The following COL21A1 variants were observed in gnomAD, a reference collection of about 807,000 sequenced individuals.
The protein encoded by COL21A1 is collagen type XXI alpha 1 chain.
COL21A1 carries 149 observed loss-of-function variants against 137.9 expected under a neutral mutation model. The ratio of observed to expected loss-of-function variants is 1.08; its 90% CI spans 0.95 to 1.24. COL21A1 has a LOEUF of 1.24. COL21A1 is among the 50% of genes most tolerant of loss of function. COL21A1 has a pLI of 0.00. For missense variants in COL21A1, 1,167 were observed against 1,158.4 expected (o/e 1.01, Z -0.11); for synonymous variants, 456 against 391.5 (o/e 1.16, Z -1.95).
chr6:56,224,055 G>T (rs1781036827), intron 1 of COL21A1, among the ~76,000 whole-genome samples: 2 of 152,018 alleles, frequency 1.3e-5, no homozygotes, highest in African/African-American at 4.8e-5. Flanking sequence ...ATAAACATTG[G>T]AGAGATTTAC....
In COL21A1 at chr6:56,108,961, T is replaced by C. The variant is rs1375084089; in HGVS notation, c.1759-7436A>G. Among the ~76,000 whole-genome samples, 2 of 151,862 alleles carry C rather than the reference T, an allele frequency of 1.3e-5. 1 individual carries two copies. The highest frequency in any genetic ancestry group is 4.1e-4 in the South Asian group (2 of 4,836). On this transcript the variant is annotated intron_variant, in intron 16 of 29. Coordinates refer to ENST00000244728, the MANE Select transcript of COL21A1 (RefSeq NM_030820.4). Reference sequence around the variant, plus strand: ...AGGATTTTCACCCTAAAAAGACTTTTAACTCTTTAAACAACTTTTAGGAAA... The same window carrying C: ...AGGATTTTCACCCTAAAAAGACTTTCAACTCTTTAAACAACTTTTAGGAAA...
chr6:56,353,359 G>A (rs9382623), intron 1 of COL21A1, among the ~76,000 whole-genome samples: 46,636 of 151,970 alleles, frequency 0.31, 8,028 homozygotes, highest in East Asian at 0.72. Flanking sequence ...AGACCACAGA[G>A]AGACAGAGAT....
intron 16 of COL21A1, among the ~76,000 whole-genome samples, chr6:56,122,704 C>A (rs2152209083): frequency 6.6e-6 from 1 of 152,136 alleles, no homozygotes; most frequent in East Asian, 1.9e-4. Context: ...CACATACTAC[C>A]CAGATTAAGA....
chr6:56,366,976 AC>A (rs1436893127), intron 1 of COL21A1, among the ~76,000 whole-genome samples: 1 of 152,228 alleles, frequency 6.6e-6, no homozygotes, highest in African/African-American at 2.4e-5. Flanking sequence ...AATTTACTTA[AC>A]AAAAAATATA....
chr6:56,280,542 C>G (rs920954565), intron 1 of COL21A1, among the ~76,000 whole-genome samples: 1 of 152,028 alleles, frequency 6.6e-6, no homozygotes, highest in Non-Finnish European at 1.5e-5. Flanking sequence ...GTGAGTAAAG[C>G]GCTACCAGAA....
intron 1 of COL21A1, among the ~76,000 whole-genome samples, chr6:56,307,850 C>T (rs970715239): frequency 5.3e-5 from 8 of 152,108 alleles, no homozygotes; most frequent in Admixed American, 1.3e-4. Context: ...TGTTCCTATT[C>T]GGCCATCTTG....
Position 56,074,242 on chromosome 6 carries a change from G to A in COL21A1, c.1955C>T (p.Pro652Leu), listed in dbSNP as rs368711091. Residue 652 changes from proline (P) to leucine (L), a missense_variant, in exon 20 of 30, where the codon CCG becomes CTG. By Grantham distance (98) the Pro-to-Leu change is moderately conservative. Transcript: ENST00000244728. Reference sequence around the variant, plus strand: ...TTTTATCATATTTACCTTAGATCCCGGTGTTCCAGGCTGGCCTGGTGAGCC... The same window carrying A: ...TTTTATCATATTTACCTTAGATCCCAGTGTTCCAGGCTGGCCTGGTGAGCC... ...SNGSPGQPGT[P>L]GSKGSKGEPG... is the part of the protein sequence containing the mutation. The A allele has an allele frequency of 7.0e-5, 110 of 1,581,134 alleles. No individual in the cohort carries two copies. Among genetic ancestry groups the A allele is most frequent in the Admixed American group, 2.0e-4 (11 of 55,604 alleles).
chr6:56,323,512 C>G lies in COL21A1; in HGVS notation c.-39+70459G>C, dbSNP rs147745634. On this transcript the variant is annotated intron_variant, in intron 1 of 28. Coordinates refer to the COL21A1 transcript ENST00000370819. ...TCAAGCCATTCTCCTGCCTCAGCCT[C>G]CCTAGTAGCTGGGATTACAGGTGCA... Among the ~76,000 whole-genome samples, 1,124 of 152,258 alleles carry G rather than the reference C, an allele frequency of 7.4e-3. 11 individuals carry two copies. Among genetic ancestry groups the G allele is most frequent in the African/African-American group, 0.025 (1,047 of 41,558 alleles).
At chr6:56,207,298 T>C (rs1192126489) in intron 1 of COL21A1, among the ~76,000 whole-genome samples, 1 of 151,856 alleles carries the variant, frequency 6.6e-6, no homozygotes, top group Admixed American at 6.6e-5. Flanking sequence ...ACCAGACTAA[T>C]AAAGAAGAAA....
intron 1 of COL21A1, among the ~76,000 whole-genome samples, chr6:56,207,018 T>A (rs1165176055): frequency 4.0e-5 from 6 of 151,810 alleles, no homozygotes; most frequent in Admixed American, 6.6e-5. Flanking sequence ...CATACCAAAA[T>A]CTCTGGGACA....
chr6:56,394,102 G>A (rs1041015748), upstream of COL21A1: 1 of 152,338 alleles, frequency 6.6e-6, no homozygotes, highest in Non-Finnish European at 1.5e-5. Context: ...CCAGGGGTGT[G>A]AGTGGGAAGT....
At chr6:56,132,944 C>T (rs933197674) in intron 12 of COL21A1, among the ~76,000 whole-genome samples, 5 of 152,204 alleles carry the variant, frequency 3.3e-5, no homozygotes, top group Admixed American at 1.3e-4. Context: ...CCACATGAAA[C>T]TGTCAGTCCA....
intron 9 of COL21A1, among the ~76,000 whole-genome samples, chr6:56,163,543 T>G (rs1229350977): frequency 3.3e-5 from 5 of 152,098 alleles, no homozygotes; most frequent in Non-Finnish European, 2.9e-5. Context: ...ACCCCGTCTC[T>G]ACTAAAATAC....
In COL21A1 at chr6:56,059,250, G is replaced by A. The variant is rs749013128; in HGVS notation, c.2609-8C>T. ...CATTTCTTCCTGGTAGGCCTGCAGGGTGTCAAACATCTGAGTAAGTTTACT... is the reference window on the plus strand; with the variant it reads ...CATTTCTTCCTGGTAGGCCTGCAGGATGTCAAACATCTGAGTAAGTTTACT... On this transcript the variant is annotated splice_polypyrimidine_tract_variant and splice_region_variant and intron_variant, in intron 28 of 29. Coordinates refer to ENST00000244728, the MANE Select transcript of COL21A1 (RefSeq NM_030820.4). 4 of 1,583,970 alleles carry A rather than the reference G, an allele frequency of 2.5e-6. No homozygotes were observed. The highest frequency in any genetic ancestry group is 3.4e-6 in the Non-Finnish European group (4 of 1,168,470).
chr6:56,081,700 G>C (rs1015535590), intron 17 of COL21A1, among the ~76,000 whole-genome samples: 1 of 151,682 alleles, frequency 6.6e-6, no homozygotes, highest in African/African-American at 2.4e-5. Flanking sequence ...CCCTTGATAA[G>C]GAAATGAACA....
At chr6:56,236,528 T>A (rs536385820) in intron 1 of COL21A1, among the ~76,000 whole-genome samples, 7 of 151,966 alleles carry the variant, frequency 4.6e-5, no homozygotes. Context: ...TTAACTAGAG[T>A]GTGTCTAAAC....
chr6:56,079,522 A>C (rs1195672285), intron 17 of COL21A1, among the ~76,000 whole-genome samples: 1 of 151,468 alleles, frequency 6.6e-6, no homozygotes, highest in Non-Finnish European at 1.5e-5. Context: ...CACGAACAGC[A>C]CCTTGGCTTC....
intron 9 of COL21A1, among the ~76,000 whole-genome samples, chr6:56,162,492 A>C (rs1776266540): frequency 6.6e-6 from 1 of 152,238 alleles, no homozygotes; most frequent in Non-Finnish European, 1.5e-5. Flanking sequence ...TGTAGAAAGT[A>C]CATGAGTAAA....
chr6:56,137,949 G>T (rs575572065), intron 12 of COL21A1, among the ~76,000 whole-genome samples: 1 of 152,200 alleles, frequency 6.6e-6, no homozygotes, highest in Non-Finnish European at 1.5e-5. Flanking sequence ...CATGTGTACA[G>T]AAAGGACACT....
Sources: allele counts gnomAD v4.1 joint callset (sites outside exome capture counted in the v4.1 genomes callset), GRCh38; gene constraint gnomAD v4.1.1; transcripts MANE v1.5; gene names NCBI Gene and HGNC (gene_info 2026-07-23, HGNC 2026-07-21).